The following DMRT1 variants were observed in gnomAD, a reference collection of about 807,000 sequenced individuals.
DMRT1 encodes the protein doublesex- and mab-3-related transcription factor 1.
Under a neutral mutation model 32.3 loss-of-function variants are expected in DMRT1, and 7 were observed. The observed-to-expected ratio is 0.22, with a 90% CI of 0.12 to 0.41. The LOEUF (loss-of-function observed/expected upper bound fraction) is 0.41. Ranked by LOEUF, DMRT1 falls within the 10% of genes least tolerant of loss-of-function variation. The pLI is 1.00. For synonymous variants in DMRT1, 278 were observed against 206.1 expected (o/e 1.35, Z -2.99); for missense variants, 625 against 500.5 (o/e 1.25, Z -2.37).
chr9:921,442 T>G (rs781445308), intron 4 of DMRT1, among the ~76,000 whole-genome samples: 5 of 152,248 alleles, frequency 3.3e-5, no homozygotes, highest in Admixed American at 1.3e-4. Context: ...TGAATAGTGC[T>G]GCTTTGAACA....
intron 3 of DMRT1, among the ~76,000 whole-genome samples, chr9:901,936 A>G (rs559267967): frequency 8.8e-5 from 12 of 136,468 alleles, no homozygotes; most frequent in Non-Finnish European, 1.2e-4. Context: ...TTTTTGAGAC[A>G]GAGTCTCGCT....
intron 4 of DMRT1, among the ~76,000 whole-genome samples, chr9:942,956 C>T (rs1373144836): frequency 6.6e-6 from 1 of 152,008 alleles, no homozygotes; most frequent in Non-Finnish European, 1.5e-5. Flanking sequence ...GAATTCAAAA[C>T]CAGATCTGAC....
chr9:855,194 T>G (rs1008288883), intron 2 of DMRT1, among the ~76,000 whole-genome samples: 6 of 151,968 alleles, frequency 3.9e-5, no homozygotes, highest in African/African-American at 1.5e-4. Context: ...GTGGATAGTA[T>G]TTTAATAAAG....
chr9:931,202 T>C (rs1423609444), intron 4 of DMRT1, among the ~76,000 whole-genome samples: 1 of 152,258 alleles, frequency 6.6e-6, no homozygotes, highest in Non-Finnish European at 1.5e-5. Context: ...GCTTCATTTC[T>C]TTTTGTAGTT....
At position 843,646 on chromosome 9, in the gene DMRT1, T is replaced by C. The variant is rs150283092; in HGVS notation, c.354+1454T>C. Among the ~76,000 whole-genome samples, 87 of 152,346 alleles carry C rather than the reference T, an allele frequency of 5.7e-4. 1 individual carries two copies. The Middle Eastern group carries it at 0.01, about 18-fold the overall frequency. On this transcript the variant is annotated intron_variant, in intron 1 of 4. Coordinates refer to ENST00000382276, the MANE Select transcript of DMRT1 (RefSeq NM_021951.3). Reference sequence around the variant, plus strand: ...ATTTTTGGAAGGCAGTAATCCACGTTATTTCCAGTTAAAAGTTGTTTCATC... The same window carrying C: ...ATTTTTGGAAGGCAGTAATCCACGTCATTTCCAGTTAAAAGTTGTTTCATC...
At position 915,060 on chromosome 9, in the gene DMRT1, A is replaced by G. The variant is rs76992127; in HGVS notation, c.823-1703A>G. Among the ~76,000 whole-genome samples the G allele has an allele frequency of 2.4e-3, 359 of 152,346 alleles. 1 individual carries two copies. The highest frequency in any genetic ancestry group is 8.0e-3 in the African/African-American group (333 of 41,582). On this transcript the variant is annotated intron_variant, in intron 3 of 4. Coordinates refer to ENST00000382276, the MANE Select transcript of DMRT1 (RefSeq NM_021951.3). The stretch of plus-strand genomic sequence containing the variant: ...TTAAAATACTTGATTGAAAAACATG[A>G]TTTTGAATTATTTTGGATTATTTTG...
At chr9:967,068 C>A (rs1006122189) in intron 4 of DMRT1, among the ~76,000 whole-genome samples, 2 of 152,104 alleles carry the variant, frequency 1.3e-5, no homozygotes, top group East Asian at 3.8e-4. Context: ...AACTACTGCC[C>A]GGCAGAATCC....
chr9:883,627 C>CA (rs781000476), intron 2 of DMRT1, among the ~76,000 whole-genome samples: 2,708 of 96,864 alleles, frequency 0.028, 44 homozygotes, highest in African/African-American at 0.077. Context: ...CCTGTCTCTA[C>CA]AAAAAAAAAA....
At chr9:935,012 C>T (rs1322917516) in intron 4 of DMRT1, among the ~76,000 whole-genome samples, 1 of 152,146 alleles carries the variant, frequency 6.6e-6, no homozygotes, top group African/African-American at 2.4e-5. Context: ...GAAATAAAGG[C>T]ATATAGGGTA....
intron 2 of DMRT1, among the ~76,000 whole-genome samples, chr9:880,597 A>C (rs540668588): frequency 7.9e-5 from 12 of 151,922 alleles, no homozygotes; most frequent in African/African-American, 2.9e-4. Context: ...ATGGTGGCGC[A>C]TGCCTGTAAT....
At chr9:906,013 C>A (rs916268564) in intron 3 of DMRT1, among the ~76,000 whole-genome samples, 1 of 121,420 alleles carries the variant, frequency 8.2e-6, no homozygotes, top group Non-Finnish European at 1.7e-5. Flanking sequence ...TCTCAAGATG[C>A]TTCTGTGACA....
chr9:874,733 T>G (rs1816420325), intron 2 of DMRT1, among the ~76,000 whole-genome samples: 1 of 151,940 alleles, frequency 6.6e-6, no homozygotes, highest in Non-Finnish European at 1.5e-5. Context: ...GTCTTGGCCT[T>G]CCTTCCTCTC....
In DMRT1 at chr9:841,801, G is replaced by A. The variant is rs1013014003; in HGVS notation, c.-38G>A. The A allele has an allele frequency of 1.3e-6, 2 of 1,581,932 alleles. No individual in the cohort carries two copies. The highest frequency in any genetic ancestry group is 3.6e-5 in the Admixed American group (2 of 55,156). ...CCCTCGCAGCAGTCTCCAGGCGAGAGAGGGGGCCAGAGTGCTCGCACTTCT... is the reference window on the plus strand; with the variant it reads ...CCCTCGCAGCAGTCTCCAGGCGAGAAAGGGGGCCAGAGTGCTCGCACTTCT... On this transcript the variant is annotated 5_prime_UTR_variant, in exon 1 of 5. Transcript: ENST00000382276.
intron 4 of DMRT1, 107 bp from the exon 5 acceptor site, chr9:967,878 A>T (rs1819981248): frequency 1.9e-6 from 2 of 1,048,948 alleles, no homozygotes; most frequent in Admixed American, 3.9e-5. Context: ...GGAGAGCGTC[A>T]CTTTCTTTGT....
chr9:923,978 G>A lies in DMRT1; in HGVS notation c.967+7071G>A, dbSNP rs374216351. ...TAAGTGGGGCTTTCAGTGGCAACAAGGCCAGTGAATGGAAGGGCATTGGAA... is the reference window on the plus strand; with the variant it reads ...TAAGTGGGGCTTTCAGTGGCAACAAAGCCAGTGAATGGAAGGGCATTGGAA... On this transcript the variant is annotated intron_variant, in intron 4 of 4. Transcript: ENST00000382276. Among the ~76,000 whole-genome samples the A allele has an allele frequency of 5.3e-5, 8 of 152,200 alleles. No individual in the cohort carries two copies. The East Asian group carries it at 1.2e-3, about 22-fold the overall frequency.
Position 968,469 on chromosome 9 carries a change from T to C in DMRT1, c.*330T>C. Reference sequence around the variant, plus strand: ...TGTGCCTCTAAATGAGTCATCTAATTAGATGTTACTTTTAGTTTTAAAATG... The same window carrying C: ...TGTGCCTCTAAATGAGTCATCTAATCAGATGTTACTTTTAGTTTTAAAATG... On this transcript the variant is annotated 3_prime_UTR_variant, in exon 5 of 5. Coordinates refer to ENST00000382276, the MANE Select transcript of DMRT1 (RefSeq NM_021951.3). The C allele has an allele frequency of 4.8e-6, 1 of 208,166 alleles. No individual in the cohort carries two copies. The highest frequency in any genetic ancestry group is 9.8e-6 in the Non-Finnish European group (1 of 102,264). 12.9% of individuals were successfully genotyped at this position (208,166 alleles called of 1,614,324 possible). A position where few individuals can be genotyped will look rare whatever the true frequency, so the allele number is the denominator to read the frequency against.
At chr9:963,922 A>G (rs1819853232) in intron 4 of DMRT1, among the ~76,000 whole-genome samples, 1 of 152,338 alleles carries the variant, frequency 6.6e-6, no homozygotes, top group East Asian at 1.9e-4. Context: ...GAGGCCAGCA[A>G]TTTTGTTTGT....
chr9:916,989 G>T, intron 4 of DMRT1, 82 bp downstream of exon 4: 1 of 1,452,484 alleles, frequency 6.9e-7, no homozygotes, highest in Non-Finnish European at 9.7e-7. Context: ...GTGTCTAATG[G>T]CTTAGCTGTT....
intron 3 of DMRT1, among the ~76,000 whole-genome samples, chr9:901,744 A>T (rs922450401): frequency 6.6e-6 from 1 of 151,764 alleles, no homozygotes; most frequent in Admixed American, 6.6e-5. Flanking sequence ...ACTCCTGGGA[A>T]GTTCTGGATG....
Sources: allele counts gnomAD v4.1 joint callset (sites outside exome capture counted in the v4.1 genomes callset), GRCh38; gene constraint gnomAD v4.1.1; transcripts MANE v1.5; gene names NCBI Gene and HGNC (gene_info 2026-07-23, HGNC 2026-07-21).